JMJD1C: variants seen among roughly 807,000 people sequenced by gnomAD.
The protein encoded by JMJD1C is jumonji domain-containing protein 1C.
A neutral mutation model predicts 245.3 loss-of-function variants in JMJD1C; 31 were observed. The observed-to-expected ratio is 0.13, with a 90% confidence interval of 0.09 to 0.17. The LOEUF is 0.17. Among genes scored for constraint, JMJD1C ranks in the 10% least tolerant of loss-of-function variants. The pLI is 1.00. For missense variants in JMJD1C, 2,691 were observed against 3,000.2 expected (o/e 0.90, Z 2.41); for synonymous variants, 1,057 against 1,017.4 (o/e 1.04, Z -0.74).
intron 2 of JMJD1C, among the ~76,000 whole-genome samples, chr10:63,307,489 G>A (rs1025102509): frequency 1.3e-5 from 2 of 152,092 alleles, no homozygotes; most frequent in African/African-American, 4.8e-5. Context: ...ACCTCATAAG[G>A]ACAGGGGCAA....
intron 24 of JMJD1C, among the ~76,000 whole-genome samples, chr10:63,171,651 A>G (rs1456854565): frequency 6.6e-6 from 1 of 152,186 alleles, no homozygotes; most frequent in East Asian, 1.9e-4. Context: ...ATTTCCTGGA[A>G]ACTTGTCAGA....
chr10:63,267,725 T>C (rs527822372), intron 2 of JMJD1C, among the ~76,000 whole-genome samples: 1 of 152,314 alleles, frequency 6.6e-6, no homozygotes, highest in Non-Finnish European at 1.5e-5. Flanking sequence ...AAAATGCTTT[T>C]TCAATTTTAT....
intron 2 of JMJD1C, among the ~76,000 whole-genome samples, chr10:63,272,805 G>C (rs1400684954): frequency 6.6e-6 from 1 of 152,098 alleles, no homozygotes; most frequent in Non-Finnish European, 1.5e-5. Context: ...AAATTTCACA[G>C]GATTTATCTC....
At chr10:63,495,161 G>C (rs1380377378) in intron 1 of JMJD1C, among the ~76,000 whole-genome samples, 2 of 151,352 alleles carry the variant, frequency 1.3e-5, no homozygotes, top group African/African-American at 4.9e-5. Context: ...CGGGCACAAA[G>C]AATGTGGTCT....
At chr10:63,395,863 C>G (rs1024499766) in intron 1 of JMJD1C, among the ~76,000 whole-genome samples, 4 of 152,008 alleles carry the variant, frequency 2.6e-5, no homozygotes, top group Admixed American at 6.5e-5. Context: ...CTGTATAATT[C>G]TATTCATGCG....
chr10:63,324,966 T>C (rs1249759574), intron 2 of JMJD1C, among the ~76,000 whole-genome samples: 2 of 152,206 alleles, frequency 1.3e-5, no homozygotes, highest in Non-Finnish European at 2.9e-5. Flanking sequence ...CAGCTGGCTA[T>C]CTACCTAAAG....
At chr10:63,225,501 A>AG (rs1849154236) in intron 3 of JMJD1C, among the ~76,000 whole-genome samples, 1 of 151,958 alleles carries the variant, frequency 6.6e-6, no homozygotes, top group Non-Finnish European at 1.5e-5. Flanking sequence ...AGCTACCATA[A>AG]GGCCAGGCGC....
intron 19 of JMJD1C, 146 bp downstream of exon 19, chr10:63,186,069 A>C: frequency 1.5e-6 from 1 of 650,620 alleles, no homozygotes; most frequent in Non-Finnish European, 2.6e-6. Context: ...ATTAGGACCC[A>C]GTATTTTGTT....
intron 3 of JMJD1C, among the ~76,000 whole-genome samples, chr10:63,238,080 C>T (rs1278829155): frequency 1.0e-4 from 14 of 139,938 alleles, no homozygotes; most frequent in Non-Finnish European, 1.8e-4. Flanking sequence ...ACTTGGGAGG[C>T]TGAGGCATGA....
chr10:63,445,571 A>G (rs1951665166), intron 1 of JMJD1C, among the ~76,000 whole-genome samples: 1 of 152,216 alleles, frequency 6.6e-6, no homozygotes. Context: ...TATCATGTAG[A>G]GTCTCTCAGC....
At chr10:63,298,530 C>G (rs1859695812) in intron 2 of JMJD1C, among the ~76,000 whole-genome samples, 1 of 152,054 alleles carries the variant, frequency 6.6e-6, no homozygotes, top group Admixed American at 6.6e-5. Context: ...CTTATAAGAA[C>G]CCTAGATTAA....
chr10:63,448,538 G>T (rs185939489), intron 1 of JMJD1C, among the ~76,000 whole-genome samples: 2 of 152,132 alleles, frequency 1.3e-5, no homozygotes, highest in East Asian at 1.9e-4. Flanking sequence ...GATACATTCT[G>T]ATCTGTTATT....
intron 12 of JMJD1C, among the ~76,000 whole-genome samples, chr10:63,198,051 T>C (rs981890909): frequency 1.3e-5 from 2 of 152,240 alleles, no homozygotes; most frequent in Admixed American, 1.3e-4. Context: ...AACTATTAAG[T>C]ACTTAAGTAA....
chr10:63,430,888 G>C (rs1950705352), intron 1 of JMJD1C, among the ~76,000 whole-genome samples: 3 of 152,092 alleles, frequency 2.0e-5, no homozygotes, highest in Non-Finnish European at 4.4e-5. Flanking sequence ...GGACTACAAG[G>C]TGTTTAACAC....
Position 63,168,251 on chromosome 10 carries a change from T to C in JMJD1C, c.7534-117A>G, listed in dbSNP as rs1259262769. On this transcript the variant is annotated intron_variant, in intron 25 of 25. Coordinates refer to ENST00000399262, the MANE Select transcript of JMJD1C (RefSeq NM_032776.3). The stretch of plus-strand genomic sequence containing the variant: ...CTAGGAAAGCCAAATATAAGAAAAA[T>C]GTTTGAAAGTGTTAAGCCAAAAGGG... 4.1e-6 allele frequency: 4 copies of C among 980,830 alleles called. No homozygotes were observed. The Admixed American group carries it at 7.1e-5, about 17-fold the overall frequency. The allele number at this position is 980,830 out of a possible 1,614,324, so 60.8% of individuals were successfully genotyped here.
chr10:63,228,474 T>G (rs1849570148), intron 3 of JMJD1C, among the ~76,000 whole-genome samples: 1 of 152,140 alleles, frequency 6.6e-6, no homozygotes. Flanking sequence ...GTATGATCAC[T>G]GTAGTCACTG....
intron 2 of JMJD1C, among the ~76,000 whole-genome samples, chr10:63,269,609 A>C (rs1856038364): frequency 2.6e-5 from 4 of 152,216 alleles, no homozygotes; most frequent in Admixed American, 2.6e-4. Context: ...ATTTTGCCTT[A>C]AAAATATTAA....
At chr10:63,301,108 T>C (rs1211141937) in intron 2 of JMJD1C, among the ~76,000 whole-genome samples, 2 of 152,216 alleles carry the variant, frequency 1.3e-5, no homozygotes, top group Non-Finnish European at 2.9e-5. Flanking sequence ...CTCTGCCTCC[T>C]GGGCTCAAGT....
At chr10:63,194,236 A>C (rs1589114569) in intron 14 of JMJD1C, 50 bp downstream of exon 14, 1 of 1,142,154 alleles carries the variant, frequency 8.8e-7, no homozygotes, top group African/African-American at 1.5e-5. Context: ...GTGTTTCCTT[A>C]ATCTGGAGCA....
Sources: gnomAD v4.1 joint callset for allele counts (sites outside exome capture counted in the v4.1 genomes callset) on GRCh38, gnomAD v4.1.1 for gene constraint, MANE v1.5 for transcripts, NCBI Gene and HGNC (gene_info 2026-07-23, HGNC 2026-07-21) for gene names.